The following SGSM1 variants were observed in gnomAD, a reference collection of about 807,000 sequenced individuals.
SGSM1 encodes the protein RUN and TBC1 domain containing 2.
A neutral mutation model predicts 133.8 loss-of-function variants in SGSM1; 73 were observed. That is an observed-to-expected ratio of 0.55 (90% CI 0.45 to 0.66). The LOEUF (loss-of-function observed/expected upper bound fraction) is 0.66, where lower values mean the gene tolerates loss of function less well. SGSM1 is among the 30% of genes least tolerant of loss of function. The probability of loss-of-function intolerance (pLI) is 0.00; values close to 1 mark genes in which losing one functional copy is unlikely to be tolerated. For missense variants in SGSM1, 1,213 were observed against 1,448.1 expected, an observed-to-expected ratio of 0.84 and a Z score of 2.64; for synonymous variants, 563 against 573.0, an observed-to-expected ratio of 0.98 and a Z score of 0.25.
chr22:24,893,514 G>T lies in SGSM1; in HGVS notation c.1854G>T (p.Arg618=). 6.2e-7 allele frequency: 1 copy of T among 1,613,224 alleles called. No individual in the cohort carries two copies. Among genetic ancestry groups the T allele is most frequent in the Non-Finnish European group, 8.5e-7 (1 of 1,179,584 alleles). The change falls in exon 17 of 25, where the codon CGG becomes CGT. Residue 618 remains arginine (R), a synonymous_variant. Transcript: ENST00000400358. ...GCEAIVRQRE[R]ESHAAALAKC... ...AGGCGATCGTGCGGCAGAGGGAGCGGGAGTCCCATGCGGCCGCCCTGGCCA... is the reference window on the plus strand; with the variant it reads ...AGGCGATCGTGCGGCAGAGGGAGCGTGAGTCCCATGCGGCCGCCCTGGCCA...
chr22:24,891,374 A>G (rs531631484), intron 16 of SGSM1, among the ~76,000 whole-genome samples: 8 of 152,286 alleles, frequency 5.3e-5, no homozygotes, highest in African/African-American at 1.4e-4. Flanking sequence ...AATATAAAGG[A>G]TGGAGGGGAG....
intron 2 of SGSM1, among the ~76,000 whole-genome samples, chr22:24,811,716 A>G (rs747609471): frequency 6.6e-6 from 1 of 152,010 alleles, no homozygotes; most frequent in Non-Finnish European, 1.5e-5. Context: ...AAAACAAAAT[A>G]AAAATAGCCA....
In SGSM1 at chr22:24,806,461, C is replaced by G. The variant is rs1249812574; in HGVS notation, c.40C>G (p.Leu14Val). The change falls in exon 2 of 25, where the codon CTG (leucine) becomes GTG (valine). Residue 14 changes from leucine (L) to valine (V), a missense_variant. Physicochemically the swap from Leu to Val is conservative, Grantham distance 32 (BLOSUM62 1). Transcript: ENST00000400358. ...CACAGAGGCGGAGACCCGACAGAGG[C>G]TGCTACGCACCGTCAAGAAGGAGGT... ...APAEAETRQRLLRTVKKEVKQ... is the reference protein window; with the variant it reads ...APAEAETRQRVLRTVKKEVKQ... 1 of 1,522,276 alleles carries G rather than the reference C, an allele frequency of 6.6e-7. No homozygotes were observed. The highest frequency in any genetic ancestry group is 2.1e-5 in the Admixed American group (1 of 47,764). 94.3% of individuals were successfully genotyped at this position (1,522,276 alleles called of 1,614,324 possible). A position where few individuals can be genotyped will look rare whatever the true frequency, so the allele number is the denominator to read the frequency against.
At position 24,901,872 on chromosome 22, in the gene SGSM1, A is replaced by T. The variant is rs1274475663; in HGVS notation, c.2650A>T (p.Ile884Phe). ...TCTGTACACGGTGAACCTGCACCGC[A>T]TCGAGAAGGATGTGCAGAGGTGCGA... ...LDLYTVNLHR[I>F]EKDVQRCDRN... Residue 884 changes from isoleucine (I) to phenylalanine (F), a missense_variant, in exon 20 of 25, where the codon ATC becomes TTC. Transcript: ENST00000400358. 1 of 1,612,124 alleles carries T rather than the reference A, an allele frequency of 6.2e-7. No individual in the cohort carries two copies. Among genetic ancestry groups the T allele is most frequent in the Non-Finnish European group, 8.5e-7 (1 of 1,179,290 alleles).
intron 14 of SGSM1, among the ~76,000 whole-genome samples, chr22:24,881,192 CAAA>C (rs757336427): frequency 0.067 from 3,642 of 54,352 alleles, 353 homozygotes; most frequent in African/African-American, 0.19. Flanking sequence ...GACTCCGTCT[CAAA>C]AAAAAAAAAA....
intron 9 of SGSM1, among the ~76,000 whole-genome samples, chr22:24,860,922 A>ATATAT (rs34462953): frequency 2.7e-5 from 1 of 37,590 alleles, no homozygotes; most frequent in African/African-American, 1.5e-4. Context: ...AAAAAAAAAA[A>ATATAT]ATATATATAT....
At chr22:24,916,334 C>G (rs968747472) in intron 22 of SGSM1, among the ~76,000 whole-genome samples, 1 of 152,030 alleles carries the variant, frequency 6.6e-6, no homozygotes, top group Non-Finnish European at 1.5e-5. Context: ...TGACTGGCTT[C>G]TTTTACCTAG....
At chr22:24,896,059 A>C (rs903849260) in intron 18 of SGSM1, among the ~76,000 whole-genome samples, 27 of 152,154 alleles carry the variant, frequency 1.8e-4, no homozygotes, top group Non-Finnish European at 1.8e-4. Context: ...ACACACACGC[A>C]CACACAAAGC....
chr22:24,825,114 G>C lies in SGSM1; in HGVS notation c.63+18630G>C, dbSNP rs141065622. On this transcript the variant is annotated intron_variant, in intron 2 of 24. Transcript: ENST00000400358. The stretch of plus-strand genomic sequence containing the variant: ...GGCTTCTAGGAGGAGGTGACACCTT[G>C]GCTGAAGCCTGAGTTGCAGCTAGCC... 6.4e-3 allele frequency among the ~76,000 whole-genome samples: 968 copies of C among 152,298 alleles called. 7 individuals are homozygous for C. Among genetic ancestry groups the C allele is most frequent in the African/African-American group, 0.022 (902 of 41,572 alleles).
chr22:24,888,029 C>T (rs565863298), intron 16 of SGSM1, among the ~76,000 whole-genome samples: 1 of 152,262 alleles, frequency 6.6e-6, no homozygotes, highest in East Asian at 1.9e-4. Flanking sequence ...TTTTGTCCAC[C>T]TTCTAATTGG....
intron 2 of SGSM1, among the ~76,000 whole-genome samples, chr22:24,828,586 C>G (rs966942057): frequency 1.3e-5 from 2 of 152,048 alleles, no homozygotes; most frequent in Admixed American, 6.6e-5. Context: ...GTCAGAATGG[C>G]CAGGGTTGCA....
At chr22:24,892,905 A>T (rs1398204726) in intron 16 of SGSM1, among the ~76,000 whole-genome samples, 2 of 143,866 alleles carry the variant, frequency 1.4e-5, no homozygotes, top group East Asian at 4.3e-4. Flanking sequence ...AAAAAAAAAT[A>T]CAAAAATTAG....
chr22:24,898,083 T>A lies in SGSM1; in HGVS notation c.2134T>A (p.Ser712Thr). 1 of 1,613,920 alleles carries A rather than the reference T, an allele frequency of 6.2e-7. No homozygotes were observed. Among genetic ancestry groups the A allele is most frequent in the Non-Finnish European group, 8.5e-7 (1 of 1,179,872 alleles). ...AGTGAACGGCACTTGTTCCCCAGAC[T>A]CGGGTCATCCTTCCTCCCATAACTT... ...NLVNGTCSPD[S>T]GHPSSHNFSS... is the part of the protein sequence containing the mutation. The change falls in exon 19 of 25, where the codon TCG becomes ACG. Residue 712 changes from serine to threonine, a missense_variant. By Grantham distance (58) the Ser-to-Thr change is moderately conservative (BLOSUM62 1). Transcript: ENST00000400358.
chr22:24,900,124 C>G (rs1313301513), intron 19 of SGSM1, among the ~76,000 whole-genome samples: 2 of 151,306 alleles, frequency 1.3e-5, no homozygotes, highest in Non-Finnish European at 2.9e-5. Flanking sequence ...TCAAGCAATC[C>G]TTCCTCCCAC....
At chr22:24,893,360 C>T in intron 16 of SGSM1, 71 bp from the exon 17 acceptor site, 3 of 1,527,076 alleles carry the variant, frequency 2.0e-6, no homozygotes, top group Non-Finnish European at 2.7e-6. Flanking sequence ...CCACTCTCTT[C>T]CACGTTGGTC....
Position 24,830,209 on chromosome 22 carries a change from G to A in SGSM1, c.64-14688G>A, listed in dbSNP as rs570468600. Among the ~76,000 whole-genome samples the A allele has an allele frequency of 1.1e-4, 16 of 152,320 alleles. No homozygotes were observed. In the South Asian group the frequency reaches 3.3e-3, roughly 32 times the overall value. On this transcript the variant is annotated intron_variant, in intron 2 of 24. Transcript: ENST00000400358. ...TCAGCTCGGGAAGATACTCTAGCCTGTAGCTGGGATATCAAACTATCCTGG... is the reference window on the plus strand; with the variant it reads ...TCAGCTCGGGAAGATACTCTAGCCTATAGCTGGGATATCAAACTATCCTGG...
intron 9 of SGSM1, among the ~76,000 whole-genome samples, chr22:24,865,647 T>G (rs1791923250): frequency 6.6e-6 from 1 of 152,052 alleles, no homozygotes; most frequent in Admixed American, 6.5e-5. Context: ...GTTTGAGTCC[T>G]CCAAGAAGCA....
chr22:24,886,731 C>T lies in SGSM1; in HGVS notation c.1770+3C>T, dbSNP rs774924781. ...TGACGGAAACAGAAAGGAAAGAGGT[C>T]GGTTACCTGCCATGGGCACTGGGAT... On this transcript the variant is annotated splice_donor_region_variant and intron_variant, in intron 16 of 24. Coordinates refer to ENST00000400358, the MANE Select transcript of SGSM1 (RefSeq NM_001098497.3). The T allele has an allele frequency of 3.4e-5, 53 of 1,581,744 alleles. No individual in the cohort carries two copies. The highest frequency in any genetic ancestry group is 1.6e-4 in the East Asian group (7 of 43,152).
At chr22:24,867,673 T>A (rs937365769) in intron 10 of SGSM1, among the ~76,000 whole-genome samples, 2 of 152,174 alleles carry the variant, frequency 1.3e-5, no homozygotes, top group African/African-American at 4.8e-5. Flanking sequence ...CTGCAGTACT[T>A]CTTTAAAGCC....
Sources: gnomAD v4.1 joint callset for allele counts (sites outside exome capture counted in the v4.1 genomes callset) on GRCh38, gnomAD v4.1.1 for gene constraint, MANE v1.5 for transcripts, NCBI Gene and HGNC (gene_info 2026-07-23, HGNC 2026-07-21) for gene names.